ARHGAP10: variants seen among roughly 807,000 people sequenced by gnomAD.
The protein encoded by ARHGAP10 is rho GTPase-activating protein 10.
A neutral mutation model predicts 108.6 loss-of-function variants in ARHGAP10; 87 were observed. That is an observed-to-expected ratio of 0.80 (90% CI 0.67 to 0.96). The LOEUF (loss-of-function observed/expected upper bound fraction) is 0.96, where lower values mean the gene tolerates loss of function less well. ARHGAP10 is among the 40% of genes least tolerant of loss of function. ARHGAP10 has a pLI of 0.00. For synonymous variants in ARHGAP10, 347 were observed against 341.1 expected (o/e 1.02, Z -0.19); for missense variants, 939 against 954.5 (o/e 0.98, Z 0.21).
intron 19 of ARHGAP10, among the ~76,000 whole-genome samples, chr4:148,034,758 G>C (rs970376666): frequency 2.0e-5 from 3 of 152,136 alleles, no homozygotes; most frequent in African/African-American, 7.2e-5. Flanking sequence ...TGAGCACAGT[G>C]CTCTAAATTT....
intron 1 of ARHGAP10, among the ~76,000 whole-genome samples, chr4:147,799,287 G>A (rs1371507719): frequency 6.6e-6 from 1 of 152,102 alleles, no homozygotes; most frequent in Admixed American, 6.6e-5. Context: ...TGATCTGCCT[G>A]CTTTGGCCTT....
At chr4:147,839,874 T>C (rs1733342251) in intron 3 of ARHGAP10, among the ~76,000 whole-genome samples, 1 of 152,252 alleles carries the variant, frequency 6.6e-6, no homozygotes, top group African/African-American at 2.4e-5. Flanking sequence ...GATTTCAGAC[T>C]TGAGTAATTG....
At chr4:147,962,275 C>G (rs776212685) in intron 16 of ARHGAP10, among the ~76,000 whole-genome samples, 4 of 152,210 alleles carry the variant, frequency 2.6e-5, no homozygotes, top group Non-Finnish European at 5.9e-5. Flanking sequence ...GCTGCTAAAA[C>G]CTGTCAGTTC....
At chr4:147,868,108 A>G (rs954971226) in intron 7 of ARHGAP10, among the ~76,000 whole-genome samples, 1 of 152,238 alleles carries the variant, frequency 6.6e-6, no homozygotes, top group Non-Finnish European at 1.5e-5. Context: ...GAAAACAGTT[A>G]TAAAATATGT....
chr4:147,772,172 G>A (rs545936645), intron 1 of ARHGAP10, among the ~76,000 whole-genome samples: 1 of 152,314 alleles, frequency 6.6e-6, no homozygotes. Flanking sequence ...ACTGGGACGT[G>A]CCATCTCCAC....
At chr4:147,768,303 G>C (rs967829930) in intron 1 of ARHGAP10, among the ~76,000 whole-genome samples, 1 of 152,180 alleles carries the variant, frequency 6.6e-6, no homozygotes, top group Non-Finnish European at 1.5e-5. Context: ...GGAGCTATCT[G>C]AGGATGGCAG....
intron 20 of ARHGAP10, among the ~76,000 whole-genome samples, chr4:148,057,995 A>G (rs1370300644): frequency 1.3e-5 from 2 of 152,188 alleles, no homozygotes; most frequent in African/African-American, 4.8e-5. Context: ...GTTTCTCTGC[A>G]CTGCTGTTGT....
chr4:147,874,943 ATGCAGAGACT>A, intron 7 of ARHGAP10, 68 bp from the exon 8 acceptor site: 2 of 1,369,050 alleles, frequency 1.5e-6, no homozygotes, highest in South Asian at 3.9e-5. Flanking sequence ...AATTACATTT[ATGCAGAGACT>A]TTAAAATGTT....
At chr4:147,975,353 C>T (rs1739553561) in intron 18 of ARHGAP10, among the ~76,000 whole-genome samples, 1 of 152,100 alleles carries the variant, frequency 6.6e-6, no homozygotes, top group South Asian at 2.1e-4. Flanking sequence ...TGTGTGTCCT[C>T]CAGTCACGGA....
intron 10 of ARHGAP10, among the ~76,000 whole-genome samples, chr4:147,882,347 C>T (rs1735359941): frequency 6.6e-6 from 1 of 151,894 alleles, no homozygotes; most frequent in African/African-American, 2.4e-5. Flanking sequence ...CCTGTAGTCC[C>T]AGCTACATGG....
chr4:147,809,915 C>T (rs1194370000), intron 1 of ARHGAP10, among the ~76,000 whole-genome samples: 8 of 152,136 alleles, frequency 5.3e-5, no homozygotes, highest in African/African-American at 9.7e-5. Flanking sequence ...TTTAGGATAA[C>T]GCTTTTCCAA....
At chr4:147,948,623 T>C (rs1013222207) in intron 15 of ARHGAP10, among the ~76,000 whole-genome samples, 1 of 152,132 alleles carries the variant, frequency 6.6e-6, no homozygotes, top group Non-Finnish European at 1.5e-5. Flanking sequence ...ATTTTTCAAA[T>C]GGGCTTTGTT....
intron 1 of ARHGAP10, among the ~76,000 whole-genome samples, chr4:147,808,332 T>C (rs1731869260): frequency 6.6e-6 from 1 of 151,980 alleles, no homozygotes; most frequent in East Asian, 1.9e-4. Flanking sequence ...GGCATTTTTT[T>C]TTTTTTCCAG....
intron 19 of ARHGAP10, among the ~76,000 whole-genome samples, chr4:148,031,841 GT>G (rs1432354535): frequency 1.3e-5 from 2 of 152,044 alleles, no homozygotes; most frequent in Admixed American, 6.5e-5. Context: ...ATCCAGGCCT[GT>G]TTTTTTATGA....
chr4:147,799,123 C>G (rs540107353), intron 1 of ARHGAP10, among the ~76,000 whole-genome samples: 1 of 152,006 alleles, frequency 6.6e-6, no homozygotes, highest in South Asian at 2.1e-4. Flanking sequence ...CAACCTCTGC[C>G]TCCCGGGTTC....
chr4:147,845,498 C>G (rs548062523), intron 3 of ARHGAP10, among the ~76,000 whole-genome samples: 39 of 152,302 alleles, frequency 2.6e-4, no homozygotes, highest in African/African-American at 8.4e-4. Flanking sequence ...TTTGGAGAAG[C>G]ACCTCTTTGG....
At chr4:147,862,691 T>A (rs1459769238) in intron 5 of ARHGAP10, 1 of 152,226 alleles carries the variant, frequency 6.6e-6, no homozygotes, top group Non-Finnish European at 1.5e-5. Context: ...TGACTGGTAA[T>A]GCAAGGGTAA....
intron 18 of ARHGAP10, among the ~76,000 whole-genome samples, chr4:148,007,107 A>G (rs1039834501): frequency 2.0e-5 from 3 of 152,268 alleles, no homozygotes; most frequent in African/African-American, 4.8e-5. Context: ...AAAAATCTGT[A>G]TAGAAGAAGA....
At position 147,810,578 on chromosome 4, in the gene ARHGAP10, C is replaced by T. The variant is rs78991020; in HGVS notation, c.155-12149C>T. On this transcript the variant is annotated intron_variant, in intron 1 of 22. Coordinates refer to ENST00000336498, the MANE Select transcript of ARHGAP10 (RefSeq NM_024605.4). The stretch of plus-strand genomic sequence containing the variant: ...TCTGGAAGTGGTGGTGCAGAGTTGC[C>T]AGTCTGAGAGATTCAGGCTCAGCTG... Among the ~76,000 whole-genome samples, 544 of 152,256 alleles carry T rather than the reference C, an allele frequency of 3.6e-3. 4 individuals are homozygous for T. The highest frequency in any genetic ancestry group is 0.012 in the African/African-American group (486 of 41,538).
Sources: allele counts gnomAD v4.1 joint callset (sites outside exome capture counted in the v4.1 genomes callset), GRCh38; gene constraint gnomAD v4.1.1; transcripts MANE v1.5; gene names NCBI Gene and HGNC (gene_info 2026-07-23, HGNC 2026-07-21).